Variants in OSBPL3 observed in about 807,000 individuals in gnomAD.
OSBPL3 encodes oxysterol binding protein like 3, also known as oxysterol-binding protein-related protein 3.
OSBPL3 carries 65 observed loss-of-function variants against 120.1 expected under a neutral mutation model. That is an observed-to-expected ratio of 0.54 (90% confidence interval 0.44 to 0.67). The LOEUF is 0.67. Among genes scored for constraint, OSBPL3 ranks in the 30% least tolerant of loss-of-function variants. The pLI is 0.00. For missense variants in OSBPL3, 1,004 were observed against 1,082.1 expected (o/e 0.93, Z 1.01); for synonymous variants, 416 against 402.6 (o/e 1.03, Z -0.40).
intron 1 of OSBPL3, among the ~76,000 whole-genome samples, chr7:24,904,657 T>A (rs1047970755): frequency 6.6e-6 from 1 of 152,114 alleles, no homozygotes; most frequent in East Asian, 1.9e-4. Context: ...CAACAGAGTA[T>A]TATTCAGCTG....
Position 24,854,527 on chromosome 7 carries a change from C to A in OSBPL3, c.1028-1893G>T, listed in dbSNP as rs1562831284. Among the ~76,000 whole-genome samples, 1 of 149,898 alleles carries A rather than the reference C, an allele frequency of 6.7e-6. No individual in the cohort carries two copies. Among genetic ancestry groups the A allele is most frequent in the East Asian group, 2.0e-4 (1 of 5,074 alleles). On this transcript the variant is annotated intron_variant, in intron 10 of 22. Transcript: ENST00000313367. This position sits in a 1 kb window ranked among gnomAD's most constrained non-coding sequence, Gnocchi z 4.1. ...GCACACACACACACACACACACACA[C>A]ACACACACACAAACACACACAATGG...
intron 1 of OSBPL3, among the ~76,000 whole-genome samples, chr7:24,926,868 T>C (rs146835406): frequency 2.3e-3 from 343 of 152,334 alleles, no homozygotes; most frequent in African/African-American, 8.0e-3. Context: ...ATATGATAGG[T>C]ACTCAAAAAA....
At chr7:24,868,799 T>C (rs928021938) in intron 5 of OSBPL3, among the ~76,000 whole-genome samples, 1 of 152,226 alleles carries the variant, frequency 6.6e-6, no homozygotes, top group African/African-American at 2.4e-5. Context: ...TACAGGAATC[T>C]TGTGTTATCC....
At chr7:24,874,887 T>A (rs1802636726) in intron 2 of OSBPL3, among the ~76,000 whole-genome samples, 1 of 152,200 alleles carries the variant, frequency 6.6e-6, no homozygotes, top group Non-Finnish European at 1.5e-5. Flanking sequence ...TCACCGTCCA[T>A]GAGTTGTGAG....
rs559819442 is a variant in OSBPL3 at position 24,895,697 on chromosome 7, G to A, written c.-149-3076C>T. On this transcript the variant is annotated intron_variant, in intron 1 of 22. Transcript: ENST00000313367. ...GAGGCCTCGGCAGGATGGTGCATAT[G>A]AAAGACCCCTGAGTGCTTTCACTCC... is the stretch of plus-strand genomic sequence containing the variant. Among the ~76,000 whole-genome samples, 6 of 152,236 alleles carry A rather than the reference G, an allele frequency of 3.9e-5. No homozygotes were observed. The South Asian group carries it at 1.0e-3, about 26-fold the overall frequency.
Position 24,964,028 on chromosome 7 carries a change from C to A in OSBPL3, c.-150+15858G>T, listed in dbSNP as rs190297609. 2.0e-5 allele frequency among the ~76,000 whole-genome samples: 3 copies of A among 152,056 alleles called. No individual in the cohort carries two copies. In the East Asian group the frequency reaches 5.8e-4, roughly 29 times the overall value. On this transcript the variant is annotated intron_variant, in intron 1 of 22. Coordinates refer to ENST00000313367, the MANE Select transcript of OSBPL3 (RefSeq NM_015550.4). This position sits in a 1 kb window ranked among gnomAD's most constrained non-coding sequence, Gnocchi z 4.2. Reference sequence around the variant, plus strand: ...AGCACTCCTAATAGCTAAAGCTGGACGAACTTCAGAAACAAAATAAAGTAC... The same window carrying A: ...AGCACTCCTAATAGCTAAAGCTGGAAGAACTTCAGAAACAAAATAAAGTAC...
Position 24,854,489 on chromosome 7 carries a change from TACACACACACACGCACACACAC to T in OSBPL3, c.1028-1877_1028-1856del, listed in dbSNP as rs1485847411. Among the ~76,000 whole-genome samples the T allele has an allele frequency of 1.6e-5, 2 of 127,390 alleles. No individual in the cohort carries two copies. Among genetic ancestry groups the T allele is most frequent in the Admixed American group, 8.5e-5 (1 of 11,814 alleles). The allele number at this position is 127,390 out of a possible 152,430, so 83.6% of individuals were successfully genotyped here. On this transcript the variant is annotated intron_variant, in intron 10 of 22. Coordinates refer to ENST00000313367, the MANE Select transcript of OSBPL3 (RefSeq NM_015550.4). This position sits in a 1 kb window ranked among gnomAD's most constrained non-coding sequence, Gnocchi z 4.1. ...ATCTTAACAAAGTCACAACAATTTG[TACACACACACACGCACACACAC>T]ACACACACACACACACACACACACA... is the stretch of plus-strand genomic sequence containing the variant.
chr7:24,801,417 TCTC>T (rs2128091455), intron 22 of OSBPL3, among the ~76,000 whole-genome samples: 1 of 152,294 alleles, frequency 6.6e-6, no homozygotes, highest in African/African-American at 2.4e-5. Context: ...TCCTGATTCT[TCTC>T]CTCAGAGGTA....
rs1353925184 is a variant in OSBPL3 at position 24,824,631 on chromosome 7, G to GT, written c.1885-4394dup. 6.6e-6 allele frequency among the ~76,000 whole-genome samples: 1 copy of GT among 152,222 alleles called. No individual in the cohort carries two copies. Among genetic ancestry groups the GT allele is most frequent in the Non-Finnish European group, 1.5e-5 (1 of 68,040 alleles). ...CAAGTACTTATTGATTGCCTGTGAT[G>GT]TGTCAGGCACCGTCCTAGTCACCAA... On this transcript the variant is annotated intron_variant, in intron 16 of 22. Transcript: ENST00000313367. The surrounding 1 kb of genome is among the most constrained non-coding windows in gnomAD (Gnocchi z 4.9).
intron 19 of OSBPL3, among the ~76,000 whole-genome samples, chr7:24,811,260 C>T (rs1444523796): frequency 6.6e-6 from 1 of 152,164 alleles, no homozygotes. Flanking sequence ...ATTTGCATTT[C>T]CCTGATGATT....
intron 1 of OSBPL3, among the ~76,000 whole-genome samples, chr7:24,950,521 A>G (rs1479146556): frequency 4.6e-5 from 7 of 152,094 alleles, no homozygotes; most frequent in Admixed American, 3.9e-4. Flanking sequence ...AGGAGATCGA[A>G]ACCATCCTGG....
At chr7:24,825,560 T>C (rs1795612472) in intron 16 of OSBPL3, among the ~76,000 whole-genome samples, 1 of 152,238 alleles carries the variant, frequency 6.6e-6, no homozygotes, top group Admixed American at 6.5e-5. Context: ...AGTTGTCTCA[T>C]ATTTGATTTA....
rs916658674 is a variant in OSBPL3, at chr7:24,965,511, G to A, written c.-150+14375C>T. Reference sequence around the variant, plus strand: ...TAACCAGAATTCTCTGGTTCTTCTCGGAATCAGAATGGACTCCAGGCTGGT... The same window carrying A: ...TAACCAGAATTCTCTGGTTCTTCTCAGAATCAGAATGGACTCCAGGCTGGT... On this transcript the variant is annotated intron_variant, in intron 1 of 22. Coordinates refer to ENST00000313367, the MANE Select transcript of OSBPL3 (RefSeq NM_015550.4). The surrounding 1 kb of genome is among the most constrained non-coding windows in gnomAD (Gnocchi z 4.3). 2.0e-5 allele frequency among the ~76,000 whole-genome samples: 3 copies of A among 152,236 alleles called. No homozygotes were observed. The highest frequency in any genetic ancestry group is 3.9e-4 in the East Asian group (2 of 5,182).
At chr7:24,882,218 T>C (rs1272492083) in intron 2 of OSBPL3, among the ~76,000 whole-genome samples, 1 of 152,134 alleles carries the variant, frequency 6.6e-6, no homozygotes. Flanking sequence ...ACCACGTACA[T>C]TGTGTCCATT....
At position 24,938,691 on chromosome 7, in the gene OSBPL3, A is replaced by T. The variant is rs1812703674; in HGVS notation, c.-150+41195T>A. Among the ~76,000 whole-genome samples, 1 of 152,018 alleles carries T rather than the reference A, an allele frequency of 6.6e-6. No homozygotes were observed. The highest frequency in any genetic ancestry group is 1.5e-5 in the Non-Finnish European group (1 of 68,000). On this transcript the variant is annotated intron_variant, in intron 1 of 22. Transcript: ENST00000313367. The surrounding 1 kb of genome is among the most constrained non-coding windows in gnomAD (Gnocchi z 5.8). ...TTAGGCTTCCTGGAAGTCCCATACA[A>T]TACTCCTAAATAACATACACAGGCA...
intron 1 of OSBPL3, among the ~76,000 whole-genome samples, chr7:24,970,666 C>T (rs1816913761): frequency 1.3e-5 from 2 of 152,150 alleles, no homozygotes; most frequent in Admixed American, 6.5e-5. Flanking sequence ...TCTTTGAGGT[C>T]GGGGCTGTGG....
At chr7:24,960,008 G>T (rs762813432) in intron 1 of OSBPL3, among the ~76,000 whole-genome samples, 1 of 152,132 alleles carries the variant, frequency 6.6e-6, no homozygotes, top group Non-Finnish European at 1.5e-5. Context: ...TAAAAGAAAA[G>T]AATTTCCTTA....
intron 1 of OSBPL3, among the ~76,000 whole-genome samples, chr7:24,942,760 C>T (rs923126927): frequency 6.6e-6 from 1 of 152,186 alleles, no homozygotes; most frequent in Non-Finnish European, 1.5e-5. Context: ...CAGCACCTCA[C>T]AGTCAAAAAC....
chr7:24,892,612 AC>A lies in OSBPL3; in HGVS notation c.-141del. The A allele has an allele frequency of 7.3e-7, 1 of 1,370,676 alleles. No homozygotes were observed. The highest frequency in any genetic ancestry group is 2.6e-5 in the East Asian group (1 of 39,210). 84.9% of individuals were successfully genotyped at this position (1,370,676 alleles called of 1,614,324 possible). A position where few individuals can be genotyped will look rare whatever the true frequency, so the allele number is the denominator to read the frequency against. ...AAACATTTTGGGTGGCCCAAAGGAA[AC>A]CCTAAAACCTAAAAAAGAGAAATTA... On this transcript the variant is annotated 5_prime_UTR_variant, in exon 2 of 23. Coordinates refer to ENST00000313367, the MANE Select transcript of OSBPL3 (RefSeq NM_015550.4).
Sources: gnomAD v4.1 joint callset for allele counts (sites outside exome capture counted in the v4.1 genomes callset) on GRCh38, gnomAD v4.1.1 for gene constraint, Gnocchi (gnomAD v3.1) non-coding constraint, MANE v1.5 for transcripts, NCBI Gene and HGNC (gene_info 2026-07-23, HGNC 2026-07-21) for gene names.